CDH18: variants seen among roughly 807,000 people sequenced by gnomAD.
The protein encoded by CDH18 is cadherin-18.
CDH18 carries 31 observed loss-of-function variants against 67.9 expected under a neutral mutation model. The ratio of observed to expected loss-of-function variants is 0.46; its 90% CI spans 0.34 to 0.62. The LOEUF (loss-of-function observed/expected upper bound fraction) is 0.62. Among genes scored for constraint, CDH18 ranks in the 20% least tolerant of loss-of-function variants. The probability of loss-of-function intolerance (pLI) is 0.01; values close to 1 mark genes in which losing one functional copy is unlikely to be tolerated. For synonymous variants in CDH18, 362 were observed against 347.2 expected (o/e 1.04, Z -0.48); for missense variants, 890 against 975.5 (o/e 0.91, Z 1.17).
In CDH18 at chr5:19,472,768, G is replaced by A. The variant is rs543260333; in HGVS notation, c.*458C>T. Among the ~76,000 whole-genome samples, 1 of 152,038 alleles carries A rather than the reference G, an allele frequency of 6.6e-6. No individual in the cohort carries two copies. The highest frequency in any genetic ancestry group is 1.5e-5 in the Non-Finnish European group (1 of 68,008). On this transcript the variant is annotated 3_prime_UTR_variant, in exon 13 of 13. Transcript: ENST00000382275. The stretch of plus-strand genomic sequence containing the variant: ...TATAATAACAGAGTGTGGTTCTCAA[G>A]GTTTCACCCAGAAAAGTGATAAAAG...
chr5:19,749,580 G>C (rs1038296847), intron 3 of CDH18, among the ~76,000 whole-genome samples: 1 of 150,588 alleles, frequency 6.6e-6, no homozygotes, highest in South Asian at 2.1e-4. Flanking sequence ...GTACAGTTAG[G>C]TTCTTATTAC....
chr5:20,249,210 T>C (rs1019236224), intron 2 of CDH18, among the ~76,000 whole-genome samples: 1 of 152,078 alleles, frequency 6.6e-6, no homozygotes, highest in African/African-American at 2.4e-5. Context: ...TTATGTGATT[T>C]TTTTAAATTA....
intron 3 of CDH18, among the ~76,000 whole-genome samples, chr5:19,808,318 C>CAAAAAAAAAAAAAA (rs144547566): frequency 1.5e-5 from 2 of 133,294 alleles, no homozygotes; most frequent in Non-Finnish European, 1.7e-5. Flanking sequence ...ACAACAACAA[C>CAAAAAAAAAAAAAA]AAAAAAAAAA....
chr5:19,997,887 G>T (rs1404821264), intron 2 of CDH18, among the ~76,000 whole-genome samples: 2 of 152,164 alleles, frequency 1.3e-5, no homozygotes, highest in African/African-American at 4.8e-5. Context: ...GAAGAGCTAA[G>T]TTGGACAATA....
chr5:20,201,310 A>G (rs1251562258), intron 2 of CDH18, among the ~76,000 whole-genome samples: 1 of 152,130 alleles, frequency 6.6e-6, no homozygotes, highest in Non-Finnish European at 1.5e-5. Flanking sequence ...ACATTCTGAT[A>G]AAGTCACCTT....
intron 5 of CDH18, among the ~76,000 whole-genome samples, chr5:19,666,824 T>C (rs565621515): frequency 6.6e-6 from 1 of 152,240 alleles, no homozygotes; most frequent in Non-Finnish European, 1.5e-5. Flanking sequence ...TTGAGATTAA[T>C]AACTTATACA....
chr5:20,202,091 T>C (rs1739493025), intron 2 of CDH18, among the ~76,000 whole-genome samples: 3 of 152,208 alleles, frequency 2.0e-5, no homozygotes, highest in Admixed American at 2.0e-4. Context: ...AATAGACTTG[T>C]ACTGCATTAA....
intron 1 of CDH18, among the ~76,000 whole-genome samples, chr5:20,521,634 TAA>T (rs1473086843): frequency 1.3e-5 from 2 of 152,082 alleles, no homozygotes; most frequent in Non-Finnish European, 2.9e-5. Flanking sequence ...AGAAATGGGT[TAA>T]AGAGAAGATA....
Position 20,405,541 on chromosome 5 carries a change from T to A in CDH18, c.-579-150036A>T, listed in dbSNP as rs185172120. On this transcript the variant is annotated intron_variant, in intron 1 of 14. Coordinates refer to the CDH18 transcript ENST00000507958. ...CATAGGGATGGGCAAGGACTTCATG[T>A]CTAAAACACCAAAAGCAATGGCAAC... 2.8e-3 allele frequency among the ~76,000 whole-genome samples: 428 copies of A among 152,220 alleles called. 1 individual carries two copies. Among genetic ancestry groups the A allele is most frequent in the African/African-American group, 9.6e-3 (399 of 41,550 alleles).
intron 2 of CDH18, among the ~76,000 whole-genome samples, chr5:20,045,444 T>C (rs1401946993): frequency 6.6e-6 from 1 of 152,036 alleles, no homozygotes; most frequent in African/African-American, 2.4e-5. Flanking sequence ...TTTATGATCC[T>C]GTAAATCTGA....
intron 2 of CDH18, among the ~76,000 whole-genome samples, chr5:20,054,866 C>G: frequency 6.6e-6 from 1 of 152,148 alleles, no homozygotes; most frequent in Non-Finnish European, 1.5e-5. Context: ...ATCCAGTCTT[C>G]TGTGGCCAGA....
rs143317499 is a variant in CDH18 at position 19,838,874 on chromosome 5, G to A, written c.113C>T (p.Thr38Ile). The A allele has an allele frequency of 4.1e-5, 66 of 1,613,918 alleles. No individual in the cohort carries two copies. The African/African-American group carries it at 5.3e-4, about 13-fold the overall frequency. Residue 38 changes from threonine (T) to isoleucine (I), a missense_variant, in exon 3 of 13, where the codon ACC becomes ATC. This residue lies in a region of CDH18 where 234 missense variants were observed against 307.4 expected (regional missense o/e 0.76). Coordinates refer to ENST00000382275, the MANE Select transcript of CDH18 (RefSeq NM_004934.5). Reference protein sequence around the residue: ...HSSIKVMRNQTKHIEGETEVH... With the variant: ...HSSIKVMRNQIKHIEGETEVH... ...TTCGGTTTCACCTTCAATGTGTTTG[G>A]TTTGGTTTCTCATCACCTTGATGGA...
At chr5:20,560,929 T>A (rs1211106982) in intron 1 of CDH18, among the ~76,000 whole-genome samples, 2 of 151,758 alleles carry the variant, frequency 1.3e-5, no homozygotes, top group African/African-American at 4.8e-5. Flanking sequence ...GTAAGAAAAT[T>A]AACAAACTAA....
intron 2 of CDH18, among the ~76,000 whole-genome samples, chr5:20,136,298 T>C (rs12659790): frequency 0.067 from 10,144 of 152,276 alleles, 371 homozygotes; most frequent in East Asian, 0.15. Context: ...CATAAATATT[T>C]AGGATAGTTA....
intron 7 of CDH18, among the ~76,000 whole-genome samples, chr5:19,586,272 T>C (rs559962029): frequency 1.3e-5 from 2 of 152,222 alleles, no homozygotes; most frequent in African/African-American, 4.8e-5. Context: ...GGTAAACATG[T>C]GCCATGGTGG....
At position 20,038,663 on chromosome 5, in the gene CDH18, T is replaced by A. The variant is rs986959230; in HGVS notation, c.-517-46649A>T. Among the ~76,000 whole-genome samples, 17 of 152,288 alleles carry A rather than the reference T, an allele frequency of 1.1e-4. 1 individual carries two copies. Among genetic ancestry groups the A allele is most frequent in the African/African-American group, 3.6e-4 (15 of 41,576 alleles). ...CAACACCCCTTTCTGCTAAAAACTC[T>A]TAATAAACTAGGTATTGATGAAATG... On this transcript the variant is annotated intron_variant, in intron 2 of 14. Coordinates refer to the CDH18 transcript ENST00000507958.
chr5:20,242,263 T>G (rs1742985062), intron 2 of CDH18, among the ~76,000 whole-genome samples: 1 of 152,082 alleles, frequency 6.6e-6, no homozygotes, highest in Non-Finnish European at 1.5e-5. Context: ...ACTTATCACC[T>G]AACGTGATTA....
At chr5:19,774,560 G>A (rs1225961460) in intron 3 of CDH18, among the ~76,000 whole-genome samples, 2 of 151,052 alleles carry the variant, frequency 1.3e-5, no homozygotes, top group African/African-American at 4.8e-5. Flanking sequence ...AGTGGCTCAC[G>A]CCTGTAATCC....
At chr5:20,105,703 A>G (rs1181422801) in intron 2 of CDH18, among the ~76,000 whole-genome samples, 1 of 152,220 alleles carries the variant, frequency 6.6e-6, no homozygotes, top group East Asian at 1.9e-4. Flanking sequence ...TTCACTTAGC[A>G]TAACATTTCT....
Sources: allele counts gnomAD v4.1 joint callset (sites outside exome capture counted in the v4.1 genomes callset), GRCh38; gene constraint gnomAD v4.1.1; regional missense constraint gnomAD v4.1.1; transcripts MANE v1.5; gene names NCBI Gene and HGNC (gene_info 2026-07-23, HGNC 2026-07-21).